Variants in CLSTN3 observed in about 807,000 individuals in gnomAD.
CLSTN3 encodes the protein calsyntenin-3.
In CLSTN3, 36 loss-of-function variants were observed where a neutral mutation model predicts 95.9. The observed-to-expected ratio is 0.38, with a 90% CI of 0.29 to 0.50. The LOEUF is 0.50. CLSTN3 is among the 20% of genes least tolerant of loss of function. The probability of loss-of-function intolerance (pLI) is 0.95; values close to 1 mark genes in which losing one functional copy is unlikely to be tolerated. For missense variants in CLSTN3, 1,084 were observed against 1,268.8 expected, an observed-to-expected ratio of 0.85 and a Z score of 2.21; for synonymous variants, 481 against 504.0, an observed-to-expected ratio of 0.95 and a Z score of 0.61.
chr12:7,152,161 T>C (rs1939735293), intron 16 of CLSTN3, among the ~76,000 whole-genome samples: 1 of 152,224 alleles, frequency 6.6e-6, no homozygotes, highest in South Asian at 2.1e-4. Flanking sequence ...CCAGTCTTTT[T>C]TCTATGCTTA....
rs925435331 is a variant in CLSTN3 at position 7,150,068 on chromosome 12, A to C, written c.2245+375A>C. ...TGTTCAGCTCACTCATCTCACGTGC[A>C]CACCAGAGCTTTACAAGAAGTACTC... On this transcript the variant is annotated intron_variant, in intron 14 of 17. Coordinates refer to ENST00000266546, the MANE Select transcript of CLSTN3 (RefSeq NM_014718.4). This position sits in a 1 kb window ranked among gnomAD's most constrained non-coding sequence, Gnocchi z 4.0. Among the ~76,000 whole-genome samples, 2 of 152,150 alleles carry C rather than the reference A, an allele frequency of 1.3e-5. No individual in the cohort carries two copies. The highest frequency in any genetic ancestry group is 4.8e-5 in the African/African-American group (2 of 41,442).
intron 4 of CLSTN3, 47 bp downstream of exon 4, chr12:7,135,582 C>T: frequency 6.3e-7 from 1 of 1,582,394 alleles, no homozygotes; most frequent in Non-Finnish European, 8.7e-7. Flanking sequence ...CCCTTGAGCA[C>T]CCACCTCCCT....
chr12:7,149,708 AG>A lies in CLSTN3; in HGVS notation c.2245+18del, dbSNP rs1322087155. ...CACTATTGCTGGTCAGTGGGGCCTG[AG>A]GGCCTGTCCTCTGTGTGTGTGTGCC... On this transcript the variant is annotated intron_variant, in intron 14 of 17. Coordinates refer to ENST00000266546, the MANE Select transcript of CLSTN3 (RefSeq NM_014718.4). This position sits in a 1 kb window ranked among gnomAD's most constrained non-coding sequence, Gnocchi z 4.5. 2 of 1,609,196 alleles carry A rather than the reference AG, an allele frequency of 1.2e-6. No homozygotes were observed. Among genetic ancestry groups the A allele is most frequent in the South Asian group, 2.2e-5 (2 of 90,340 alleles).
intron 12 of CLSTN3, among the ~76,000 whole-genome samples, chr12:7,147,396 C>CAAAAAAAAAAAAAAA (rs56109046): frequency 2.0e-5 from 1 of 50,522 alleles, no homozygotes; most frequent in African/African-American, 9.0e-5. Flanking sequence ...GAGACTCTGC[C>CAAAAAAAAAAAAAAA]AAAAAAAAAA....
chr12:7,136,197 C>T lies in CLSTN3; in HGVS notation c.743-9C>T. Reference sequence around the variant, plus strand: ...TCTCCCCATCACCCTCTCTGTCTCACCCATGCAGGCTGGAACAAAAGGATC... The same window carrying T: ...TCTCCCCATCACCCTCTCTGTCTCATCCATGCAGGCTGGAACAAAAGGATC... On this transcript the variant is annotated splice_polypyrimidine_tract_variant and intron_variant, in intron 5 of 17. Coordinates refer to ENST00000266546, the MANE Select transcript of CLSTN3 (RefSeq NM_014718.4). 2 of 1,612,320 alleles carry T rather than the reference C, an allele frequency of 1.2e-6. No homozygotes were observed. Among genetic ancestry groups the T allele is most frequent in the Non-Finnish European group, 8.5e-7 (1 of 1,178,920 alleles).
At position 7,157,859 on chromosome 12, in the gene CLSTN3, C is replaced by G; in HGVS notation, c.2731-82C>G. 1 of 1,530,256 alleles carries G rather than the reference C, an allele frequency of 6.5e-7. No individual in the cohort carries two copies. The highest frequency in any genetic ancestry group is 8.8e-7 in the Non-Finnish European group (1 of 1,138,932). The allele number at this position is 1,530,256 out of a possible 1,614,324, so 94.8% of individuals were successfully genotyped here. ...GGGGGTACACAGGGGTTAAGGGGAC[C>G]GAGGGAAGTGTGGTCCCTGAAAGAG... On this transcript the variant is annotated intron_variant, in intron 17 of 17. Coordinates refer to ENST00000266546, the MANE Select transcript of CLSTN3 (RefSeq NM_014718.4). This position sits in a 1 kb window ranked among gnomAD's most constrained non-coding sequence, Gnocchi z 5.9.
chr12:7,131,055 G>A (rs1939290310), intron 1 of CLSTN3: 1 of 444,444 alleles, frequency 2.3e-6, no homozygotes, highest in Non-Finnish European at 4.2e-6. Flanking sequence ...CCCCCGAGCC[G>A]GTGATAGGCC....
rs752459820 is a variant in CLSTN3, at chr12:7,141,106, G to A, written c.1324-136G>A. Reference sequence around the variant, plus strand: ...TTCCTCGAGCTGGATAGGCAGCAAAGCACTAGTAAGCCCTGTTGGTAGAAC... The same window carrying A: ...TTCCTCGAGCTGGATAGGCAGCAAAACACTAGTAAGCCCTGTTGGTAGAAC... On this transcript the variant is annotated intron_variant, in intron 8 of 17. Transcript: ENST00000266546. This position sits in a 1 kb window ranked among gnomAD's most constrained non-coding sequence, Gnocchi z 4.1. The A allele has an allele frequency of 4.3e-5, 41 of 958,630 alleles. No individual in the cohort carries two copies. In the South Asian group the frequency reaches 7.2e-4, roughly 17 times the overall value. 59.4% of individuals were successfully genotyped at this position (958,630 alleles called of 1,614,324 possible).
In CLSTN3 at chr12:7,137,387, A is replaced by C. The variant is rs1591615160; in HGVS notation, c.1210+277A>C. ...TCCCACCATGTGGTAGGCTGTCCCC[A>C]CCCCCCATCTCCACCTCCATTAAAG... On this transcript the variant is annotated intron_variant, in intron 7 of 17. Coordinates refer to ENST00000266546, the MANE Select transcript of CLSTN3 (RefSeq NM_014718.4). The surrounding 1 kb of genome is among the most constrained non-coding windows in gnomAD (Gnocchi z 4.4). 4.9e-6 allele frequency: 2 copies of C among 405,344 alleles called. No individual in the cohort carries two copies. The highest frequency in any genetic ancestry group is 4.5e-6 in the Non-Finnish European group (1 of 219,852). 25.1% of individuals were successfully genotyped at this position (405,344 alleles called of 1,614,324 possible).
At chr12:7,134,682 G>T (rs929859271) in intron 3 of CLSTN3, among the ~76,000 whole-genome samples, 3 of 152,216 alleles carry the variant, frequency 2.0e-5, no homozygotes, top group Non-Finnish European at 4.4e-5. Flanking sequence ...CCTTCTTATG[G>T]CTGGTTTTAA....
Position 7,149,232 on chromosome 12 carries a change from A to G in CLSTN3, c.2074+34A>G. 1 of 1,564,926 alleles carries G rather than the reference A, an allele frequency of 6.4e-7. No homozygotes were observed. The highest frequency in any genetic ancestry group is 1.4e-5 in the African/African-American group (1 of 73,958). On this transcript the variant is annotated intron_variant, in intron 13 of 17. Coordinates refer to ENST00000266546, the MANE Select transcript of CLSTN3 (RefSeq NM_014718.4). The surrounding 1 kb of genome is among the most constrained non-coding windows in gnomAD (Gnocchi z 4.5). The stretch of plus-strand genomic sequence containing the variant: ...GACTTCGGGGAGTAACACCATCCAG[A>G]GAACCAGCCAGTGTCTGGAGTCAGA...
Position 7,137,933 on chromosome 12 carries a change from C to G in CLSTN3, c.1211-22C>G. 3.8e-6 allele frequency: 6 copies of G among 1,592,904 alleles called. No individual in the cohort carries two copies. The South Asian group carries it at 6.6e-5, about 18-fold the overall frequency. On this transcript the variant is annotated intron_variant, in intron 7 of 17. Transcript: ENST00000266546. This position sits in a 1 kb window ranked among gnomAD's most constrained non-coding sequence, Gnocchi z 4.4. ...TGGCCTCAGCCTCTGCACTTGACCC[C>G]ATCCCCTTCCTGTGCCCTCAGAGGA...
rs1388359532 is a variant in CLSTN3 at position 7,157,961 on chromosome 12, C to T, written c.2751C>T (p.Ser917=). 3.9e-6 allele frequency: 6 copies of T among 1,551,302 alleles called. No homozygotes were observed. In the African/African-American group the frequency reaches 4.1e-5, roughly 11 times the overall value. The change falls in exon 18 of 18, where the codon TCC becomes TCT. Residue 917 remains serine, a synonymous_variant. Coordinates refer to ENST00000266546, the MANE Select transcript of CLSTN3 (RefSeq NM_014718.4). This position sits in a 1 kb window ranked among gnomAD's most constrained non-coding sequence, Gnocchi z 5.9. Reference sequence around the variant, plus strand: ...TCCAGTCCTACCAGAATCGGCAGTCCTGTGTGACGGGGGCTGTTGGGGGCC... The same window carrying T: ...TCCAGTCCTACCAGAATCGGCAGTCTTGTGTGACGGGGGCTGTTGGGGGCC... ...NPMESYQNRQ[S]CVTGAVGGQQ... is the part of the protein sequence containing the mutation.
chr12:7,139,462 C>T (rs1939489982), intron 8 of CLSTN3, among the ~76,000 whole-genome samples: 1 of 151,956 alleles, frequency 6.6e-6, no homozygotes, highest in African/African-American at 2.4e-5. Context: ...AGGGCCAGTG[C>T]GGTTGGAGTA....
Position 7,135,521 on chromosome 12 carries a change from T to A in CLSTN3, c.578T>A (p.Leu193His). 6.2e-7 allele frequency: 1 copy of A among 1,614,036 alleles called. No homozygotes were observed. The stretch of plus-strand genomic sequence containing the variant: ...ATTCTCACACCCAACACCCCTTTCC[T>A]CATTGACAATGACGGTGAGTCCACC... ...YEILTPNTPF[L>H]IDNDGNIENT... The change falls in exon 4 of 18, where the codon CTC becomes CAC. Residue 193 changes from leucine to histidine, a missense_variant. Physicochemically the swap from Leu to His is moderately conservative, Grantham distance 99. Coordinates refer to ENST00000266546, the MANE Select transcript of CLSTN3 (RefSeq NM_014718.4).
chr12:7,154,400 T>C (rs1457917657), intron 16 of CLSTN3, among the ~76,000 whole-genome samples: 1 of 152,320 alleles, frequency 6.6e-6, no homozygotes, highest in Middle Eastern at 3.4e-3. Context: ...AGGGGAGATT[T>C]TGTGGCACAT....
In CLSTN3 at chr12:7,135,428, G is replaced by A. The variant is rs1255268463; in HGVS notation, c.485G>A (p.Arg162His). 9 of 1,614,104 alleles carry A rather than the reference G, an allele frequency of 5.6e-6. No individual in the cohort carries two copies. The highest frequency in any genetic ancestry group is 1.3e-5 in the African/African-American group (1 of 74,998). The change falls in exon 4 of 18, where the codon CGC becomes CAC. Residue 162 changes from arginine to histidine, a missense_variant. Transcript: ENST00000266546. ...AAVTEGKLYD[R>H]ILRVEAIDGD... ...GTGACAGAGGGGAAGCTGTACGATCGCATCCTGCGGGTGGAAGCCATTGAC... is the reference window on the plus strand; with the variant it reads ...GTGACAGAGGGGAAGCTGTACGATCACATCCTGCGGGTGGAAGCCATTGAC...
In CLSTN3 at chr12:7,157,775, G is replaced by C. The variant is rs1288689633; in HGVS notation, c.2730+84G>C. On this transcript the variant is annotated intron_variant, in intron 17 of 17. Transcript: ENST00000266546. This position sits in a 1 kb window ranked among gnomAD's most constrained non-coding sequence, Gnocchi z 5.9. The stretch of plus-strand genomic sequence containing the variant: ...AGGACTCCTGAGGAGGGGCAGGCCT[G>C]GGTGGAGGCTGTTCGCAGAGCTGCA... 1.3e-6 allele frequency: 2 copies of C among 1,504,720 alleles called. No homozygotes were observed. Among genetic ancestry groups the C allele is most frequent in the South Asian group, 2.5e-5 (2 of 80,404 alleles). The allele number at this position is 1,504,720 out of a possible 1,614,324, so 93.2% of individuals were successfully genotyped here.
rs144532677 is a variant in CLSTN3 at position 7,147,925 on chromosome 12, C to T, written c.1848-1047C>T. Among the ~76,000 whole-genome samples the T allele has an allele frequency of 3.9e-3, 598 of 152,146 alleles. 1 individual carries two copies. Among genetic ancestry groups the T allele is most frequent in the African/African-American group, 0.012 (491 of 41,490 alleles). ...ATCCCAGCACTTTGGGAGGCCGAGACGGACAGATCACCTGAAGTCAGGAGT... is the reference window on the plus strand; with the variant it reads ...ATCCCAGCACTTTGGGAGGCCGAGATGGACAGATCACCTGAAGTCAGGAGT... On this transcript the variant is annotated intron_variant, in intron 12 of 17. Transcript: ENST00000266546.
Sources: allele counts gnomAD v4.1 joint callset (sites outside exome capture counted in the v4.1 genomes callset), GRCh38; gene constraint gnomAD v4.1.1; non-coding constraint Gnocchi (gnomAD v3.1); transcripts MANE v1.5; gene names NCBI Gene and HGNC (gene_info 2026-07-23, HGNC 2026-07-21).